Variants in CSMD1 observed in about 807,000 individuals in gnomAD.
CSMD1 encodes CUB and Sushi multiple domains 1.
CSMD1 carries 213 observed loss-of-function variants against 417.5 expected under a neutral mutation model. The ratio of observed to expected loss-of-function variants is 0.51; its 90% CI spans 0.46 to 0.57. The LOEUF is 0.57. CSMD1 is among the 20% of genes least tolerant of loss of function. The pLI is 0.00. For synonymous variants in CSMD1, 2,862 were observed against 1,736.8 expected, an observed-to-expected ratio of 1.65 and a Z score of -16.11; for missense variants, 6,923 against 4,529.7, an observed-to-expected ratio of 1.53 and a Z score of -15.17.
chr8:3,419,119 C>G (rs1585136674), intron 12 of CSMD1, among the ~76,000 whole-genome samples: 1 of 152,178 alleles, frequency 6.6e-6, no homozygotes, highest in African/African-American at 2.4e-5. Flanking sequence ...GTCGAGGCTT[C>G]TCAATGACGC....
rs368405977 is a variant in CSMD1 at position 4,410,225 on chromosome 8, T to G, written c.415+9728A>C. 1.2e-4 allele frequency among the ~76,000 whole-genome samples: 19 copies of G among 152,216 alleles called. No homozygotes were observed. The East Asian group carries it at 3.5e-3, about 28-fold the overall frequency. On this transcript the variant is annotated intron_variant, in intron 3 of 69. Transcript: ENST00000635120. ...GAACCAAACAGTTTAGGTAACTAATTCTGTAAGCCTCATGCCAACTCTCTA... is the reference window on the plus strand; with the variant it reads ...GAACCAAACAGTTTAGGTAACTAATGCTGTAAGCCTCATGCCAACTCTCTA...
chr8:4,400,310 C>T (rs1439850841), intron 3 of CSMD1, among the ~76,000 whole-genome samples: 1 of 152,218 alleles, frequency 6.6e-6, no homozygotes, highest in South Asian at 2.1e-4. Flanking sequence ...TTTCGCAGTT[C>T]CTGGTCCCAT....
chr8:4,012,642 T>A (rs1169424772), intron 4 of CSMD1, among the ~76,000 whole-genome samples: 2 of 152,156 alleles, frequency 1.3e-5, no homozygotes, highest in Admixed American at 6.5e-5. Flanking sequence ...AGAGTGTCCA[T>A]CAGTTCCATG....
chr8:3,543,173 G>A (rs890740792), intron 10 of CSMD1, among the ~76,000 whole-genome samples: 1 of 152,178 alleles, frequency 6.6e-6, no homozygotes, highest in Non-Finnish European at 1.5e-5. Flanking sequence ...CTGAGACCCA[G>A]GCATGCTTGA....
At chr8:4,490,539 G>C (rs756628819) in intron 2 of CSMD1, among the ~76,000 whole-genome samples, 7 of 152,130 alleles carry the variant, frequency 4.6e-5, no homozygotes, top group Non-Finnish European at 8.8e-5. Context: ...TCCATGAACT[G>C]TCATAGATGC....
At chr8:4,032,737 A>G (rs1342771879) in intron 3 of CSMD1, among the ~76,000 whole-genome samples, 1 of 152,226 alleles carries the variant, frequency 6.6e-6, no homozygotes, top group East Asian at 1.9e-4. Flanking sequence ...AGCAAGTTTC[A>G]GTGCTAAGTT....
intron 3 of CSMD1, among the ~76,000 whole-genome samples, chr8:4,302,573 A>C (rs4875314): frequency 0.96 from 146,852 of 152,224 alleles, 70,856 homozygotes; most frequent in East Asian, 0.99. Context: ...CTCTCTCTCA[A>C]CCCTATACGA....
intron 1 of CSMD1, among the ~76,000 whole-genome samples, chr8:4,982,570 A>T (rs1460467972): frequency 1.3e-5 from 2 of 152,200 alleles, no homozygotes; most frequent in African/African-American, 4.8e-5. Flanking sequence ...TAACTTAGGT[A>T]CTTCTTTCTT....
chr8:3,232,156 G>T (rs958275706), intron 26 of CSMD1, among the ~76,000 whole-genome samples: 10 of 152,152 alleles, frequency 6.6e-5, no homozygotes, highest in Non-Finnish European at 1.5e-4. Flanking sequence ...CCACTTCAGG[G>T]GAAGTCACTT....
At chr8:4,226,939 A>T (rs1215923420) in intron 3 of CSMD1, among the ~76,000 whole-genome samples, 1 of 152,186 alleles carries the variant, frequency 6.6e-6, no homozygotes, top group Non-Finnish European at 1.5e-5. Flanking sequence ...TTTATTTCAT[A>T]AGGCTGCTTA....
Position 3,369,263 on chromosome 8 carries a change from G to A in CSMD1, c.2890C>T (p.His964Tyr), listed in dbSNP as rs1411621033. The change falls in exon 19 of 70, where the codon CAT (histidine) becomes TAT (tyrosine). Residue 964 changes from histidine to tyrosine, a missense_variant. Transcript: ENST00000635120. ...TATGATAGATTCTTACCTTTCCCAT[G>A]AGACACTTCAATGGTCCACGTGCAG... The part of the protein sequence containing the change: ...LNCTWTIEVS[H>Y]GKGVQMIFHT... The A allele has an allele frequency of 6.6e-7, 1 of 1,525,418 alleles. No individual in the cohort carries two copies. The highest frequency in any genetic ancestry group is 9.1e-7 in the Non-Finnish European group (1 of 1,100,284). 94.5% of individuals were successfully genotyped at this position (1,525,418 alleles called of 1,614,324 possible).
chr8:3,296,257 A>T (rs1337830271), intron 25 of CSMD1, among the ~76,000 whole-genome samples: 2 of 151,610 alleles, frequency 1.3e-5, no homozygotes, highest in African/African-American at 4.8e-5. Flanking sequence ...TGTTTGTCGC[A>T]TCCTGTGAGA....
rs141649828 is a variant in CSMD1, at chr8:4,510,602, GCCTTCCTTCCCT to G, written c.303-90549_303-90538del. On this transcript the variant is annotated intron_variant, in intron 2 of 69. Transcript: ENST00000635120. ...TTCCCTCCTCGCTTCCTTCCTTCTT[GCCTTCCTTCCCT>G]CCTCCCTTCCTTCCCTCTCCCCTTC... Among the ~76,000 whole-genome samples, 229 of 127,858 alleles carry G rather than the reference GCCTTCCTTCCCT, an allele frequency of 1.8e-3. 1 individual carries two copies. Among genetic ancestry groups the G allele is most frequent in the African/African-American group, 6.6e-3 (217 of 32,832 alleles). 83.9% of individuals were successfully genotyped at this position (127,858 alleles called of 152,430 possible). A position where few individuals can be genotyped will look rare whatever the true frequency, so the allele number is the denominator to read the frequency against.
At chr8:3,713,536 T>C (rs985855112) in intron 6 of CSMD1, among the ~76,000 whole-genome samples, 3 of 152,096 alleles carry the variant, frequency 2.0e-5, no homozygotes, top group Non-Finnish European at 4.4e-5. Context: ...GACATCTGCC[T>C]TCCTCAAGAT....
intron 25 of CSMD1, among the ~76,000 whole-genome samples, chr8:3,305,079 G>C (rs2117367994): frequency 6.6e-6 from 1 of 152,180 alleles, no homozygotes; most frequent in Non-Finnish European, 1.5e-5. Flanking sequence ...GCAGTGGTGT[G>C]ATCATAGCTT....
intron 2 of CSMD1, among the ~76,000 whole-genome samples, chr8:4,527,646 A>T (rs1796587424): frequency 6.6e-6 from 1 of 152,228 alleles, no homozygotes; most frequent in Admixed American, 6.5e-5. Context: ...TATAGATAAA[A>T]TTTGAATACT....
chr8:4,932,422 G>T (rs563814905), intron 1 of CSMD1, among the ~76,000 whole-genome samples: 1 of 151,796 alleles, frequency 6.6e-6, no homozygotes, highest in Non-Finnish European at 1.5e-5. Context: ...GTGAAGACAC[G>T]AAGACTTCCA....
At chr8:4,247,748 T>A (rs1404767504) in intron 3 of CSMD1, among the ~76,000 whole-genome samples, 1 of 152,164 alleles carries the variant, frequency 6.6e-6, no homozygotes, top group Non-Finnish European at 1.5e-5. Context: ...CATCAACTGC[T>A]GATTTGGAAG....
intron 17 of CSMD1, among the ~76,000 whole-genome samples, chr8:3,394,720 T>G (rs1161555935): frequency 6.6e-6 from 1 of 152,184 alleles, no homozygotes; most frequent in Non-Finnish European, 1.5e-5. Context: ...CACATATTGT[T>G]ACTTCAAAGA....
Sources: gnomAD v4.1 joint callset for allele counts (sites outside exome capture counted in the v4.1 genomes callset) on GRCh38, gnomAD v4.1.1 for gene constraint, MANE v1.5 for transcripts, NCBI Gene and HGNC (gene_info 2026-07-23, HGNC 2026-07-21) for gene names.